WWOX: variants seen among roughly 807,000 people sequenced by gnomAD.
WWOX encodes WW domain-containing oxidoreductase.
Under a neutral mutation model 46.2 loss-of-function variants are expected in WWOX, and 69 were observed. The observed-to-expected ratio is 1.49, with a 90% confidence interval of 1.23 to 1.82. The LOEUF (loss-of-function observed/expected upper bound fraction) is 1.82, where lower values mean the gene tolerates loss of function less well. Ranked by LOEUF, WWOX falls within the 40% of genes most tolerant of loss-of-function variation. WWOX has a pLI of 0.00. For synonymous variants in WWOX, 359 were observed against 202.6 expected, an observed-to-expected ratio of 1.77 and a Z score of -6.56; for missense variants, 919 against 542.6, an observed-to-expected ratio of 1.69 and a Z score of -6.89.
chr16:79,189,635 A>G (rs1202536259), intron 8 of WWOX, among the ~76,000 whole-genome samples: 5 of 152,050 alleles, frequency 3.3e-5, no homozygotes, highest in Non-Finnish European at 5.9e-5. Flanking sequence ...AATTATTTCT[A>G]GTAATTTCTG....
chr16:78,674,318 T>C (rs1290511103), intron 8 of WWOX, among the ~76,000 whole-genome samples: 1 of 150,068 alleles, frequency 6.7e-6, no homozygotes, highest in Non-Finnish European at 1.5e-5. Flanking sequence ...AGAGTTTTGC[T>C]CTTTTCCCCA....
At chr16:78,133,749 A>G (rs369705631) in intron 4 of WWOX, among the ~76,000 whole-genome samples, 6 of 152,344 alleles carry the variant, frequency 3.9e-5, no homozygotes, top group African/African-American at 1.2e-4. Context: ...CTTTCAATGA[A>G]TAGAAAAATC....
At chr16:78,971,029 G>C (rs1369086475) in intron 8 of WWOX, among the ~76,000 whole-genome samples, 1 of 152,002 alleles carries the variant, frequency 6.6e-6, no homozygotes, top group Non-Finnish European at 1.5e-5. Context: ...AACAGCAGGA[G>C]AGCTCCTCAC....
chr16:78,167,073 T>C (rs2034998571), intron 5 of WWOX: 1 of 152,216 alleles, frequency 6.6e-6, no homozygotes, highest in African/African-American at 2.4e-5. Context: ...GACATTCATG[T>C]TTAAACCAGT....
intron 3 of WWOX, among the ~76,000 whole-genome samples, chr16:78,114,440 A>T (rs1047735070): frequency 1.1e-4 from 17 of 152,220 alleles, no homozygotes; most frequent in Admixed American, 1.1e-3. Context: ...ATTTAGATCA[A>T]TTCCAAATCA....
intron 8 of WWOX, among the ~76,000 whole-genome samples, chr16:79,029,789 T>C (rs889664389): frequency 1.3e-5 from 2 of 152,242 alleles, no homozygotes; most frequent in African/African-American, 2.4e-5. Context: ...GATTTATTGG[T>C]CTTTGGACTC....
chr16:78,905,183 G>A (rs1475622796), intron 8 of WWOX, among the ~76,000 whole-genome samples: 1 of 152,148 alleles, frequency 6.6e-6, no homozygotes, highest in African/African-American at 2.4e-5. Flanking sequence ...CAAGCTGCTG[G>A]CCTGAGCATG....
rs1555511501 is a variant in WWOX at position 79,011,506 on chromosome 16, T to TA, written c.1057-200102_1057-200101insA. On this transcript the variant is annotated intron_variant, in intron 8 of 8. Coordinates refer to ENST00000566780, the MANE Select transcript of WWOX (RefSeq NM_016373.4). Reference sequence around the variant, plus strand: ...TTATTTATTTATTTATTTATTTATTTTTTGAGACAGGGTCTTAATCTGTCC... The same window carrying TA: ...TTATTTATTTATTTATTTATTTATTTATTTGAGACAGGGTCTTAATCTGTCC... Among the ~76,000 whole-genome samples the TA allele has an allele frequency of 3.2e-3, 456 of 143,948 alleles. 3 individuals are homozygous for TA. Among genetic ancestry groups the TA allele is most frequent in the Middle Eastern group, 7.2e-3 (2 of 278 alleles). 94.4% of individuals were successfully genotyped at this position (143,948 alleles called of 152,430 possible).
At chr16:78,498,528 T>C (rs2084976179) in intron 8 of WWOX, among the ~76,000 whole-genome samples, 1 of 151,828 alleles carries the variant, frequency 6.6e-6, no homozygotes, top group Admixed American at 6.6e-5. Flanking sequence ...GAGTTGAAGG[T>C]GACAGAGACC....
chr16:78,825,891 AC>A, intron 8 of WWOX: 1 of 690,054 alleles, frequency 1.4e-6, no homozygotes, highest in Non-Finnish European at 2.6e-6. Context: ...CCTCTGCCTG[AC>A]CACGTGAGCA....
intron 8 of WWOX, among the ~76,000 whole-genome samples, chr16:78,568,846 T>C (rs572532740): frequency 1.1e-3 from 161 of 152,340 alleles, no homozygotes; most frequent in African/African-American, 3.7e-3. Flanking sequence ...TGCAAGTAAG[T>C]TTGTTTTCTG....
intron 8 of WWOX, among the ~76,000 whole-genome samples, chr16:79,036,032 C>G (rs1019456279): frequency 1.3e-5 from 2 of 152,182 alleles, no homozygotes; most frequent in African/African-American, 2.4e-5. Flanking sequence ...CCAGCATACT[C>G]AGCACAGTCC....
chr16:79,188,660 G>C (rs532553189), intron 8 of WWOX, among the ~76,000 whole-genome samples: 7 of 152,190 alleles, frequency 4.6e-5, no homozygotes, highest in Non-Finnish European at 8.8e-5. Flanking sequence ...CAGACCTCTT[G>C]GTTGCATGTG....
chr16:78,537,091 AT>A (rs2043777311), intron 8 of WWOX, among the ~76,000 whole-genome samples: 1 of 151,774 alleles, frequency 6.6e-6, no homozygotes, highest in Non-Finnish European at 1.5e-5. Context: ...TAATATTTGT[AT>A]TTTTAGTAGA....
chr16:78,155,154 T>TAGGA (rs1053298472), intron 4 of WWOX, among the ~76,000 whole-genome samples: 1 of 150,156 alleles, frequency 6.7e-6, no homozygotes, highest in African/African-American at 2.5e-5. Flanking sequence ...TAATTCAAAT[T>TAGGA]AGGAAGGAAG....
chr16:78,808,956 G>C (rs560447612), intron 8 of WWOX, among the ~76,000 whole-genome samples: 1 of 152,234 alleles, frequency 6.6e-6, no homozygotes, highest in East Asian at 1.9e-4. Context: ...TCATGCGCTT[G>C]ATCTAAATGT....
intron 8 of WWOX, among the ~76,000 whole-genome samples, chr16:79,072,300 C>T (rs570140896): frequency 6.6e-6 from 1 of 152,140 alleles, no homozygotes; most frequent in East Asian, 1.9e-4. Context: ...CCCCCAAAAA[C>T]AGAAAACAGT....
chr16:78,984,097 C>G (rs1278920587), intron 8 of WWOX, among the ~76,000 whole-genome samples: 3 of 152,012 alleles, frequency 2.0e-5, no homozygotes, highest in South Asian at 4.1e-4. Context: ...CCAGGATGGT[C>G]TCGATCTCCT....
At chr16:78,109,729 G>T (rs1366380500) in intron 2 of WWOX, 49 bp from the exon 3 acceptor site, 1 of 1,601,142 alleles carries the variant, frequency 6.2e-7, no homozygotes, top group Non-Finnish European at 8.6e-7. Flanking sequence ...CCCAGGGATG[G>T]TCTTTACTTC....
Sources: allele counts gnomAD v4.1 joint callset (sites outside exome capture counted in the v4.1 genomes callset), GRCh38; gene constraint gnomAD v4.1.1; transcripts MANE v1.5; gene names NCBI Gene and HGNC (gene_info 2026-07-23, HGNC 2026-07-21).